FAM178B: variants seen among roughly 807,000 people sequenced by gnomAD.
The protein encoded by FAM178B is protein FAM178B.
Under a neutral mutation model 91.7 loss-of-function variants are expected in FAM178B, and 82 were observed. That is an observed-to-expected ratio of 0.89 (90% CI 0.75 to 1.07). The LOEUF is 1.07. Among genes scored for constraint, FAM178B ranks in the 50% least tolerant of loss-of-function variants. The pLI, the probability that FAM178B is intolerant of heterozygous loss-of-function variation, is 0.00. For synonymous variants in FAM178B, 368 were observed against 359.4 expected, an observed-to-expected ratio of 1.02 and a Z score of -0.27; for missense variants, 769 against 846.7, an observed-to-expected ratio of 0.91 and a Z score of 1.14.
intron 8 of FAM178B, among the ~76,000 whole-genome samples, chr2:96,939,897 A>G (rs948671272): frequency 3.3e-5 from 5 of 152,152 alleles, no homozygotes; most frequent in African/African-American, 1.2e-4. Context: ...GTCACCTATT[A>G]TTTTCAATTA....
At chr2:96,947,588 C>T (rs868735487) in intron 8 of FAM178B, among the ~76,000 whole-genome samples, 139 of 152,320 alleles carry the variant, frequency 9.1e-4, no homozygotes, top group African/African-American at 3.1e-3. Flanking sequence ...TCAGCCTGGC[C>T]GTGGCCACAG....
intron 14 of FAM178B, among the ~76,000 whole-genome samples, chr2:96,888,136 T>C (rs1174124668): frequency 6.6e-6 from 1 of 152,250 alleles, no homozygotes; most frequent in Non-Finnish European, 1.5e-5. Flanking sequence ...CCCCCTCTCC[T>C]GGAGGGTCAG....
chr2:96,879,193 C>G (rs1254564588), intron 14 of FAM178B, among the ~76,000 whole-genome samples: 1 of 152,164 alleles, frequency 6.6e-6, no homozygotes, highest in Non-Finnish European at 1.5e-5. Flanking sequence ...ATGCAGCCTG[C>G]CCTGGATTCC....
intron 14 of FAM178B, among the ~76,000 whole-genome samples, chr2:96,880,280 CA>C: frequency 6.6e-6 from 1 of 152,246 alleles, no homozygotes; most frequent in Admixed American, 6.5e-5. Context: ...GGGCTGATGA[CA>C]GACCCTGAGG....
intron 14 of FAM178B, among the ~76,000 whole-genome samples, chr2:96,891,911 G>A (rs2080691542): frequency 6.6e-6 from 1 of 152,202 alleles, no homozygotes; most frequent in Admixed American, 6.5e-5. Flanking sequence ...CCTCCAGGCT[G>A]GGCCGCCTCA....
intron 5 of FAM178B, 147 bp downstream of exon 5, chr2:96,967,373 G>T: frequency 1.7e-6 from 1 of 593,598 alleles, no homozygotes; most frequent in Non-Finnish European, 3.0e-6. Context: ...GAGTGAATGT[G>T]GCTTTAAGAG....
chr2:96,922,341 C>A (rs541974034), intron 10 of FAM178B, among the ~76,000 whole-genome samples: 1 of 152,282 alleles, frequency 6.6e-6, no homozygotes, highest in East Asian at 1.9e-4. Context: ...TATGAAGTAG[C>A]CATTCTTTAT....
chr2:96,972,779 T>C (rs904602661), intron 1 of FAM178B, among the ~76,000 whole-genome samples, 173 bp from the exon 2 acceptor site: 2 of 152,220 alleles, frequency 1.3e-5, no homozygotes, highest in African/African-American at 4.8e-5. Flanking sequence ...GAGAACAATC[T>C]GACTTCTCAT....
chr2:96,887,283 G>T (rs1158917444), intron 14 of FAM178B, among the ~76,000 whole-genome samples: 1 of 152,150 alleles, frequency 6.6e-6, no homozygotes, highest in Non-Finnish European at 1.5e-5. Flanking sequence ...GTGCAGGGTG[G>T]TCTATGAACA....
chr2:96,908,065 T>C (rs1444577548), intron 12 of FAM178B, among the ~76,000 whole-genome samples: 1 of 152,230 alleles, frequency 6.6e-6, no homozygotes, highest in African/African-American at 2.4e-5. Context: ...TCGGCACTCC[T>C]TCCCTGGACT....
At chr2:96,927,624 G>A (rs1029102248) in intron 9 of FAM178B, among the ~76,000 whole-genome samples, 1 of 152,152 alleles carries the variant, frequency 6.6e-6, no homozygotes, top group African/African-American at 2.4e-5. Context: ...GTGTTTAAAG[G>A]GCCACAGTTC....
intron 4 of FAM178B, among the ~76,000 whole-genome samples, chr2:96,969,999 T>C (rs1236283827): frequency 1.3e-5 from 2 of 152,120 alleles, no homozygotes; most frequent in Admixed American, 1.3e-4. Context: ...ACAATGGACA[T>C]GCACTGAACA....
intron 1 of FAM178B, among the ~76,000 whole-genome samples, chr2:96,982,408 G>A (rs2082373784): frequency 6.6e-6 from 1 of 151,894 alleles, no homozygotes; most frequent in Non-Finnish European, 1.5e-5. Context: ...GACGACAGGC[G>A]TGCACCACCA....
At chr2:96,913,403 G>A (rs1264188536) in intron 12 of FAM178B, among the ~76,000 whole-genome samples, 2 of 152,194 alleles carry the variant, frequency 1.3e-5, no homozygotes, top group African/African-American at 2.4e-5. Context: ...AGAACAGGCA[G>A]GCAGGGAGTC....
intron 10 of FAM178B, among the ~76,000 whole-genome samples, chr2:96,921,946 A>T (rs953696258): frequency 2.0e-5 from 3 of 152,116 alleles, no homozygotes; most frequent in African/African-American, 7.2e-5. Context: ...GAGGTTAGGT[A>T]TTCTTACAGG....
In FAM178B at chr2:96,886,918, A is replaced by G. The variant is rs544330897; in HGVS notation, c.1776+7008T>C. Among the ~76,000 whole-genome samples the G allele has an allele frequency of 2.0e-3, 302 of 150,052 alleles. 1 individual carries two copies. Among genetic ancestry groups the G allele is most frequent in the Non-Finnish European group, 3.8e-3 (253 of 66,636 alleles). On this transcript the variant is annotated intron_variant, in intron 14 of 16. Coordinates refer to ENST00000490605, the MANE Select transcript of FAM178B (RefSeq NM_001122646.3). ...TTAACACCAAACCTGGCTCATTTTT[A>G]AAAAAAAACCTTTTGGCCGGGCGCG...
intron 1 of FAM178B, chr2:96,977,796 T>A: frequency 2.2e-6 from 1 of 456,166 alleles, no homozygotes; most frequent in Non-Finnish European, 4.4e-6. Flanking sequence ...AAGAGCCCAC[T>A]AAGTTTAGGA....
chr2:96,970,108 C>T (rs1439941817), intron 4 of FAM178B, among the ~76,000 whole-genome samples: 3 of 152,198 alleles, frequency 2.0e-5, no homozygotes, highest in Non-Finnish European at 4.4e-5. Flanking sequence ...GAAGACGACC[C>T]CTGTCTGTCC....
intron 8 of FAM178B, among the ~76,000 whole-genome samples, chr2:96,942,761 T>C (rs189732581): frequency 2.6e-5 from 4 of 152,306 alleles, no homozygotes; most frequent in East Asian, 1.9e-4. Flanking sequence ...CTACAAGCTA[T>C]AGTAATAACA....
Sources: gnomAD v4.1 joint callset for allele counts (sites outside exome capture counted in the v4.1 genomes callset) on GRCh38, gnomAD v4.1.1 for gene constraint, MANE v1.5 for transcripts, NCBI Gene and HGNC (gene_info 2026-07-23, HGNC 2026-07-21) for gene names.